OPCML: variants seen among roughly 807,000 people sequenced by gnomAD.
The protein encoded by OPCML is opioid binding protein/cell adhesion molecule like.
In OPCML, 13 loss-of-function variants were observed where a neutral mutation model predicts 37.8. That is an observed-to-expected ratio of 0.34 (90% CI 0.22 to 0.55). The LOEUF (loss-of-function observed/expected upper bound fraction) is 0.55. OPCML is among the 20% of genes least tolerant of loss of function. OPCML has a pLI of 0.91. For synonymous variants in OPCML, 176 were observed against 168.8 expected (o/e 1.04, Z -0.33); for missense variants, 341 against 435.6 (o/e 0.78, Z 1.93).
chr11:132,503,639 A>C (rs1377793145), intron 4 of OPCML, among the ~76,000 whole-genome samples: 1 of 152,214 alleles, frequency 6.6e-6, no homozygotes, highest in Non-Finnish European at 1.5e-5. Flanking sequence ...TCAATAAGTG[A>C]GATCTTGAAA....
chr11:133,202,172 C>A (rs79890275), intron 1 of OPCML, among the ~76,000 whole-genome samples: 1,896 of 152,250 alleles, frequency 0.012, 19 homozygotes, highest in Middle Eastern at 0.037. Flanking sequence ...GGTAACGTTG[C>A]CCAGAGGTCT....
intron 4 of OPCML, among the ~76,000 whole-genome samples, chr11:132,460,911 C>G (rs1039092673): frequency 2.6e-5 from 4 of 152,106 alleles, no homozygotes; most frequent in Non-Finnish European, 5.9e-5. Context: ...TAGATATTTA[C>G]TTGTGTGGAC....
At chr11:133,443,932 C>T (rs1488477604) in intron 1 of OPCML, among the ~76,000 whole-genome samples, 1 of 152,120 alleles carries the variant, frequency 6.6e-6, no homozygotes, top group Admixed American at 6.6e-5. Flanking sequence ...AACATAGACT[C>T]TCTGTCTCCA....
chr11:132,551,277 T>G (rs1285220118), intron 3 of OPCML, among the ~76,000 whole-genome samples: 1 of 152,190 alleles, frequency 6.6e-6, no homozygotes, highest in South Asian at 2.1e-4. Context: ...AAATTGTAAT[T>G]GAGACAGTGA....
intron 2 of OPCML, among the ~76,000 whole-genome samples, chr11:132,892,938 C>T (rs1329590805): frequency 6.6e-6 from 1 of 152,108 alleles, no homozygotes; most frequent in East Asian, 1.9e-4. Flanking sequence ...AAGGCCCTTC[C>T]TATAGCTATT....
At chr11:132,597,815 AC>A (rs1260938213) in intron 3 of OPCML, among the ~76,000 whole-genome samples, 1 of 152,222 alleles carries the variant, frequency 6.6e-6, no homozygotes, top group East Asian at 1.9e-4. Context: ...AACACACGTA[AC>A]AAAAATATCC....
rs112046257 is a variant in OPCML, at chr11:132,604,778, T to A, written c.379+52309A>T. 3.6e-3 allele frequency among the ~76,000 whole-genome samples: 548 copies of A among 152,264 alleles called. 3 individuals are homozygous for A. Among genetic ancestry groups the A allele is most frequent in the African/African-American group, 0.012 (509 of 41,556 alleles). On this transcript the variant is annotated intron_variant, in intron 3 of 7. Transcript: ENST00000524381. ...CAACAGCCTTTTTAATTAATATGAA[T>A]GTGGGGAAACTAACAAAGTTTTCAG... is the stretch of plus-strand genomic sequence containing the variant.
At chr11:133,456,166 G>T (rs965996161) in intron 1 of OPCML, among the ~76,000 whole-genome samples, 16 of 152,226 alleles carry the variant, frequency 1.1e-4, no homozygotes, top group Non-Finnish European at 1.8e-4. Flanking sequence ...GGGGGCAAAT[G>T]ATTTTTAACA....
chr11:132,555,550 G>C (rs2096393491), intron 3 of OPCML, among the ~76,000 whole-genome samples: 1 of 151,982 alleles, frequency 6.6e-6, no homozygotes. Context: ...ATTTGGGTGG[G>C]GTCATAGCCA....
chr11:132,942,843 T>C, intron 2 of OPCML, 83 bp downstream of exon 2: 1 of 1,562,114 alleles, frequency 6.4e-7, no homozygotes, highest in Non-Finnish European at 8.7e-7. Context: ...CGGTCCCCCA[T>C]GGAGCCTTCT....
intron 1 of OPCML, among the ~76,000 whole-genome samples, chr11:133,219,497 T>C (rs764354285): frequency 2.6e-5 from 4 of 152,202 alleles, no homozygotes; most frequent in Non-Finnish European, 5.9e-5. Context: ...GTGGCTACCA[T>C]TTAGCAATGC....
chr11:132,736,771 G>A (rs946445780), intron 2 of OPCML, among the ~76,000 whole-genome samples: 2 of 152,082 alleles, frequency 1.3e-5, no homozygotes, highest in Non-Finnish European at 2.9e-5. Flanking sequence ...CCCCAGGTAA[G>A]CCCTTATGAC....
chr11:132,648,623 T>A (rs564812224), intron 3 of OPCML, among the ~76,000 whole-genome samples: 33 of 151,114 alleles, frequency 2.2e-4, no homozygotes, highest in Middle Eastern at 3.4e-3. Flanking sequence ...TGCTTCAGCC[T>A]CCTGAGTAGC....
chr11:133,133,848 G>C (rs932061028), intron 1 of OPCML, among the ~76,000 whole-genome samples: 1 of 152,072 alleles, frequency 6.6e-6, no homozygotes, highest in African/African-American at 2.4e-5. Context: ...CATTCATTCG[G>C]GGGGGAAAAA....
chr11:132,605,475 A>G (rs1403034355), intron 3 of OPCML, among the ~76,000 whole-genome samples: 1 of 152,060 alleles, frequency 6.6e-6, no homozygotes, highest in Non-Finnish European at 1.5e-5. Flanking sequence ...GAGGTAGGAG[A>G]ATAGCCTGAA....
chr11:132,579,385 ATGTGTGTGTGTG>A (rs66467384), intron 3 of OPCML, among the ~76,000 whole-genome samples: 17 of 146,530 alleles, frequency 1.2e-4, no homozygotes, highest in Non-Finnish European at 2.1e-4. Flanking sequence ...TAGAATGAAT[ATGTGTGTGTGTG>A]TGTGTGTGTG....
chr11:133,141,415 A>T (rs901249017), intron 1 of OPCML, among the ~76,000 whole-genome samples: 3 of 152,140 alleles, frequency 2.0e-5, no homozygotes, highest in African/African-American at 7.2e-5. Context: ...GCTCCACAAA[A>T]TAGTCTTCAT....
chr11:133,201,950 T>C (rs1169305170), intron 1 of OPCML, among the ~76,000 whole-genome samples: 1 of 152,220 alleles, frequency 6.6e-6, no homozygotes, highest in Admixed American at 6.5e-5. Context: ...GAATCTGGTA[T>C]TGTTCAACGT....
intron 3 of OPCML, among the ~76,000 whole-genome samples, chr11:132,633,210 T>C (rs1940262968): frequency 2.0e-5 from 3 of 152,176 alleles, no homozygotes; most frequent in African/African-American, 7.2e-5. Flanking sequence ...TAGCTCTCTC[T>C]CTTTTTTTCT....
Sources: allele counts gnomAD v4.1 joint callset (sites outside exome capture counted in the v4.1 genomes callset), GRCh38; gene constraint gnomAD v4.1.1; transcripts MANE v1.5; gene names NCBI Gene and HGNC (gene_info 2026-07-23, HGNC 2026-07-21).